The following SLC39A8 variants were observed in gnomAD, a reference collection of about 807,000 sequenced individuals.
SLC39A8 encodes the protein solute carrier family 39 member 8.
A neutral mutation model predicts 40.4 loss-of-function variants in SLC39A8; 15 were observed. That is an observed-to-expected ratio of 0.37 (90% confidence interval 0.25 to 0.57). The LOEUF is 0.57. Among genes scored for constraint, SLC39A8 ranks in the 20% least tolerant of loss-of-function variants. The probability of loss-of-function intolerance (pLI) is 0.75; values close to 1 mark genes in which losing one functional copy is unlikely to be tolerated. For synonymous variants in SLC39A8, 223 were observed against 221.6 expected, an observed-to-expected ratio of 1.01 and a Z score of -0.06; for missense variants, 472 against 558.8, an observed-to-expected ratio of 0.84 and a Z score of 1.57.
intron 6 of SLC39A8, among the ~76,000 whole-genome samples, chr4:102,288,747 C>T (rs1403701566): frequency 6.6e-6 from 1 of 151,948 alleles, no homozygotes; most frequent in Non-Finnish European, 1.5e-5. Flanking sequence ...CACAACATAC[C>T]CTAAAGTAGG....
In SLC39A8 at chr4:102,278,945, T is replaced by C. The variant is rs140049718; in HGVS notation, c.841-10866A>G. 5.3e-4 allele frequency among the ~76,000 whole-genome samples: 80 copies of C among 150,380 alleles called. No homozygotes were observed. The East Asian group carries it at 0.013, about 24-fold the overall frequency. ...TCACTCATAAGTGAGAGTTGAACAATGAGAACTTACGGGCACAGGGAGGGA... is the reference window on the plus strand; with the variant it reads ...TCACTCATAAGTGAGAGTTGAACAACGAGAACTTACGGGCACAGGGAGGGA... On this transcript the variant is annotated intron_variant, in intron 6 of 8. Transcript: ENST00000356736.
At chr4:102,324,334 G>A in intron 2 of SLC39A8, 1 of 224,508 alleles carries the variant, frequency 4.5e-6, no homozygotes, top group South Asian at 4.2e-5. Flanking sequence ...GGCGGAGGCT[G>A]CAGTGAGCCG....
chr4:102,302,718 T>C (rs2149031927), intron 6 of SLC39A8, among the ~76,000 whole-genome samples: 1 of 152,086 alleles, frequency 6.6e-6, no homozygotes, highest in East Asian at 1.9e-4. Flanking sequence ...TTAACCTCTC[T>C]AAGTCATACT....
At chr4:102,341,347 C>T (rs1735931826) in intron 2 of SLC39A8, among the ~76,000 whole-genome samples, 1 of 152,100 alleles carries the variant, frequency 6.6e-6, no homozygotes, top group African/African-American at 2.4e-5. Context: ...CACATAAGAA[C>T]TTGAAAATAC....
At chr4:102,315,549 C>G in intron 3 of SLC39A8, 119 bp downstream of exon 3, 1 of 764,128 alleles carries the variant, frequency 1.3e-6, no homozygotes, top group Non-Finnish European at 1.9e-6. Flanking sequence ...AAGTATTATT[C>G]GAAGAAGTTC....
At chr4:102,257,049 A>T (rs568429100), downstream of SLC39A8, among the ~76,000 whole-genome samples, 1 of 152,228 alleles carries the variant, frequency 6.6e-6, no homozygotes, top group Admixed American at 6.5e-5. Flanking sequence ...TAGGTACGGA[A>T]ATTGAGAATA....
intron 6 of SLC39A8, among the ~76,000 whole-genome samples, chr4:102,279,250 G>T (rs190915071): frequency 2.0e-5 from 3 of 152,162 alleles, no homozygotes; most frequent in Admixed American, 2.0e-4. Context: ...AGGAAACATG[G>T]TCATTTTCTG....
chr4:102,288,550 T>C (rs573014812), intron 6 of SLC39A8, among the ~76,000 whole-genome samples: 11 of 152,252 alleles, frequency 7.2e-5, no homozygotes, highest in South Asian at 2.1e-4. Context: ...GGAAAACATG[T>C]CAAAAGCCAA....
chr4:102,270,221 ACAGAG>A (rs1337756797), intron 6 of SLC39A8, among the ~76,000 whole-genome samples: 1 of 150,824 alleles, frequency 6.6e-6, no homozygotes, highest in Admixed American at 6.6e-5. Flanking sequence ...TGATATCACT[ACAGAG>A]TCTGTATACA....
At chr4:102,282,837 T>C (rs771945981) in intron 6 of SLC39A8, among the ~76,000 whole-genome samples, 16 of 152,174 alleles carry the variant, frequency 1.1e-4, no homozygotes, top group Admixed American at 3.3e-4. Flanking sequence ...AGCGATTCTC[T>C]TGCCTCAGCC....
intron 3 of SLC39A8, 118 bp from the exon 4 acceptor site, chr4:102,307,723 A>G: frequency 1.0e-6 from 1 of 983,582 alleles, no homozygotes. Flanking sequence ...TCTTCTTTAA[A>G]AGAACAAAAT....
chr4:102,279,140 T>TATA (rs1440316695), intron 6 of SLC39A8, among the ~76,000 whole-genome samples: 2 of 149,806 alleles, frequency 1.3e-5, no homozygotes, highest in African/African-American at 4.9e-5. Context: ...AAACTTTAAG[T>TATA]ATAATAATAA....
intron 6 of SLC39A8, among the ~76,000 whole-genome samples, chr4:102,284,876 A>G (rs904124890): frequency 3.9e-5 from 6 of 152,082 alleles, no homozygotes; most frequent in African/African-American, 1.4e-4. Context: ...ATTTTTTCCA[A>G]TATATATTTT....
Position 102,262,324 on chromosome 4 carries a change from T to TA in SLC39A8, c.*719dup, listed in dbSNP as rs1731899584. On this transcript the variant is annotated 3_prime_UTR_variant, in exon 9 of 9. Coordinates refer to ENST00000356736, the MANE Select transcript of SLC39A8 (RefSeq NM_001135146.2). ...ATTTGTGAGGGGTGCAACCACAACA[T>TA]AAGTCAGAAAAAAAGCTATCCAGCT... 2.0e-6 allele frequency: 2 copies of TA among 985,448 alleles called. No homozygotes were observed. The highest frequency in any genetic ancestry group is 9.4e-5 in the South Asian group (2 of 21,280). 61.0% of individuals were successfully genotyped at this position (985,448 alleles called of 1,614,324 possible).
chr4:102,343,794 A>C (rs1311432899), intron 2 of SLC39A8, among the ~76,000 whole-genome samples: 1 of 152,174 alleles, frequency 6.6e-6, no homozygotes, highest in Non-Finnish European at 1.5e-5. Flanking sequence ...ATTACTGAAA[A>C]AATTTTTTTA....
chr4:102,288,984 TA>T (rs914825361), intron 6 of SLC39A8, among the ~76,000 whole-genome samples: 2 of 152,164 alleles, frequency 1.3e-5, no homozygotes, highest in Non-Finnish European at 2.9e-5. Flanking sequence ...TCAATGTTGG[TA>T]AAACAGCCTT....
At chr4:102,294,832 T>C (rs973818154) in intron 6 of SLC39A8, among the ~76,000 whole-genome samples, 42 of 151,908 alleles carry the variant, frequency 2.8e-4, no homozygotes, top group African/African-American at 9.4e-4. Context: ...CCAAAACGCA[T>C]ATGAAAAGAT....
chr4:102,304,571 A>G lies in SLC39A8; in HGVS notation c.676-90T>C, dbSNP rs1203065881. On this transcript the variant is annotated intron_variant, in intron 5 of 8. Transcript: ENST00000356736. ...ATAGAGTTTACTGCTTTTTATTTAT[A>G]AGAGGAAAATTGTATGTCTATTCTA... 6 of 1,084,416 alleles carry G rather than the reference A, an allele frequency of 5.5e-6. No homozygotes were observed. In the African/African-American group the frequency reaches 8.0e-5, roughly 15 times the overall value. 67.2% of individuals were successfully genotyped at this position (1,084,416 alleles called of 1,614,324 possible).
intron 6 of SLC39A8, among the ~76,000 whole-genome samples, chr4:102,278,857 G>T (rs915471333): frequency 2.6e-5 from 4 of 152,134 alleles, no homozygotes; most frequent in Non-Finnish European, 5.9e-5. Flanking sequence ...GATCAAGCTG[G>T]AAACCATCAT....
Sources: gnomAD v4.1 joint callset for allele counts (sites outside exome capture counted in the v4.1 genomes callset) on GRCh38, gnomAD v4.1.1 for gene constraint, MANE v1.5 for transcripts, NCBI Gene and HGNC (gene_info 2026-07-23, HGNC 2026-07-21) for gene names.